The following NELL2 variants were observed in gnomAD, a reference collection of about 807,000 sequenced individuals.
NELL2 encodes neural EGFL like 2, also known as protein kinase C-binding protein NELL2.
A neutral mutation model predicts 109.6 loss-of-function variants in NELL2; 41 were observed. The ratio of observed to expected loss-of-function variants is 0.37; its 90% CI spans 0.29 to 0.49. The LOEUF is 0.49. NELL2 is among the 20% of genes least tolerant of loss of function. The pLI, the probability that NELL2 is intolerant of heterozygous loss-of-function variation, is 0.98. For missense variants in NELL2, 900 were observed against 1,008.3 expected (o/e 0.89, Z 1.45); for synonymous variants, 355 against 344.7 (o/e 1.03, Z -0.33).
At chr12:44,896,147 A>G (rs1945590372) in intron 1 of NELL2, among the ~76,000 whole-genome samples, 1 of 152,210 alleles carries the variant, frequency 6.6e-6, no homozygotes, top group African/African-American at 2.4e-5. Flanking sequence ...TGGCTAAATT[A>G]GAAAGCAAGG....
chr12:44,714,422 T>A (rs1938375485), intron 10 of NELL2, among the ~76,000 whole-genome samples: 1 of 152,042 alleles, frequency 6.6e-6, no homozygotes, highest in Non-Finnish European at 1.5e-5. Flanking sequence ...TCATAAAGCT[T>A]TAATTTGACA....
At chr12:44,614,588 G>A (rs1161017156) in intron 13 of NELL2, among the ~76,000 whole-genome samples, 1 of 151,972 alleles carries the variant, frequency 6.6e-6, no homozygotes, top group Non-Finnish European at 1.5e-5. Flanking sequence ...GCATCTAAAC[G>A]CAGATGTTAT....
At chr12:44,684,040 C>T (rs1022322622) in intron 12 of NELL2, among the ~76,000 whole-genome samples, 4 of 152,148 alleles carry the variant, frequency 2.6e-5, no homozygotes, top group African/African-American at 9.7e-5. Context: ...GCTGTGAATC[C>T]ATCTGGTCCT....
chr12:44,523,299 A>C lies in NELL2; in HGVS notation c.1990T>G (p.Ser664Ala). 1 of 1,614,124 alleles carries C rather than the reference A, an allele frequency of 6.2e-7. No homozygotes were observed. Among genetic ancestry groups the C allele is most frequent in the Non-Finnish European group, 8.5e-7 (1 of 1,179,956 alleles). The change falls in exon 17 of 20, where the codon TCA (serine) becomes GCA (alanine). Residue 664 changes from serine to alanine, a missense_variant. Around this residue, in one of 4 missense-constraint regions of NELL2, gnomAD observed 333 missense variants for 432.3 expected, o/e 0.77. Coordinates refer to ENST00000429094, the MANE Select transcript of NELL2 (RefSeq NM_001145108.2). ...TTTTCATTTATACCAACCTGACATG[A>C]GCACACAGAGCACCTGTCATTTTCC... ...VLENDRCSVCSCQNGFVMCRR... is the reference protein window; with the variant it reads ...VLENDRCSVCACQNGFVMCRR...
At chr12:44,558,963 A>T (rs1412454827) in intron 15 of NELL2, among the ~76,000 whole-genome samples, 1 of 152,162 alleles carries the variant, frequency 6.6e-6, no homozygotes, top group Non-Finnish European at 1.5e-5. Flanking sequence ...TCTGAAGTCT[A>T]CCTGGGAAGC....
intron 15 of NELL2, among the ~76,000 whole-genome samples, chr12:44,599,999 C>T (rs1437427654): frequency 4.3e-5 from 6 of 139,284 alleles, no homozygotes; most frequent in Non-Finnish European, 7.6e-5. Context: ...TCTCGCTCTG[C>T]CGCCCAGGCT....
intron 1 of NELL2, among the ~76,000 whole-genome samples, chr12:44,904,116 C>G (rs568405289): frequency 7.9e-5 from 12 of 151,682 alleles, no homozygotes; most frequent in Admixed American, 2.0e-4. Context: ...TGGCCAGGAA[C>G]ACTTAAATCT....
intron 11 of NELL2, among the ~76,000 whole-genome samples, chr12:44,709,408 C>T (rs1321134880): frequency 6.6e-6 from 1 of 152,134 alleles, no homozygotes; most frequent in Non-Finnish European, 1.5e-5. Flanking sequence ...AGCCTTCTAA[C>T]CATCCCTACC....
At chr12:44,822,721 G>A (rs1158343915) in intron 2 of NELL2, among the ~76,000 whole-genome samples, 1 of 152,146 alleles carries the variant, frequency 6.6e-6, no homozygotes, top group Non-Finnish European at 1.5e-5. Context: ...TGTGCATACA[G>A]CCTAAAAATC....
intron 2 of NELL2, among the ~76,000 whole-genome samples, chr12:44,858,892 T>C (rs11182717): frequency 0.021 from 3,150 of 152,304 alleles, 114 homozygotes; most frequent in East Asian, 0.18. Flanking sequence ...TACTTCAAAA[T>C]AGAATGATTT....
In NELL2 at chr12:44,886,663, C is replaced by T. The variant is rs910696936; in HGVS notation, c.39-10763G>A. ...ATTTGCATTTTCTTTATGTTAGAAC[C>T]ATCCAAATTATTCTCTTCTAGCTAT... On this transcript the variant is annotated intron_variant, in intron 1 of 20. Coordinates refer to the NELL2 transcript ENST00000333837. 3.3e-5 allele frequency among the ~76,000 whole-genome samples: 5 copies of T among 151,734 alleles called. 1 individual carries two copies. Among genetic ancestry groups the T allele is most frequent in the African/African-American group, 9.7e-5 (4 of 41,196 alleles).
At chr12:44,892,303 C>T (rs1187582946) in intron 1 of NELL2, among the ~76,000 whole-genome samples, 1 of 152,092 alleles carries the variant, frequency 6.6e-6, no homozygotes, top group African/African-American at 2.4e-5. Flanking sequence ...TGTTACTGTC[C>T]AACTGGGCAG....
chr12:44,878,595 T>C (rs887582118), upstream of NELL2, among the ~76,000 whole-genome samples: 3 of 152,210 alleles, frequency 2.0e-5, no homozygotes, highest in Non-Finnish European at 4.4e-5. Flanking sequence ...TGTGTTCTTT[T>C]GACTATATCT....
intron 13 of NELL2, among the ~76,000 whole-genome samples, chr12:44,649,498 C>T (rs1456304111): frequency 6.6e-6 from 1 of 152,174 alleles, no homozygotes; most frequent in East Asian, 1.9e-4. Flanking sequence ...AAGAGATAGT[C>T]GGAATTCACT....
At chr12:44,849,792 T>C (rs538847321) in intron 2 of NELL2, among the ~76,000 whole-genome samples, 6 of 152,190 alleles carry the variant, frequency 3.9e-5, no homozygotes, top group Non-Finnish European at 7.4e-5. Flanking sequence ...ATTCATACAG[T>C]GAAATAATAC....
At chr12:44,873,218 C>G (rs984965440) in intron 2 of NELL2, among the ~76,000 whole-genome samples, 2 of 152,092 alleles carry the variant, frequency 1.3e-5, no homozygotes, top group Non-Finnish European at 2.9e-5. Context: ...TCTCATAAAC[C>G]ATATTTGTTA....
At chr12:44,744,863 C>T (rs1940232270) in intron 9 of NELL2, among the ~76,000 whole-genome samples, 1 of 152,200 alleles carries the variant, frequency 6.6e-6, no homozygotes, top group African/African-American at 2.4e-5. Context: ...CAGCTGAATT[C>T]TACCAGAGAT....
intron 13 of NELL2, 133 bp downstream of exon 13, chr12:44,665,351 T>C: frequency 2.8e-6 from 2 of 708,404 alleles, no homozygotes; most frequent in Admixed American, 6.6e-5. Context: ...AACTACCAAA[T>C]CAAGAAGATA....
At chr12:44,822,251 T>C (rs1356201642) in intron 2 of NELL2, among the ~76,000 whole-genome samples, 1 of 152,176 alleles carries the variant, frequency 6.6e-6, no homozygotes, top group Non-Finnish European at 1.5e-5. Flanking sequence ...GGGTTTATTA[T>C]GAGGATTATA....
Sources: gnomAD v4.1 joint callset for allele counts (sites outside exome capture counted in the v4.1 genomes callset) on GRCh38, gnomAD v4.1.1 for gene constraint, gnomAD v4.1.1 regional missense constraint, MANE v1.5 for transcripts, NCBI Gene and HGNC (gene_info 2026-07-23, HGNC 2026-07-21) for gene names.